Variants in LHFPL6 observed in about 807,000 individuals in gnomAD.
LHFPL6 encodes LHFPL tetraspan subfamily member 6, also known as LHFPL tetraspan subfamily member 6 protein.
A neutral mutation model predicts 20.6 loss-of-function variants in LHFPL6; 9 were observed. That is an observed-to-expected ratio of 0.44 (90% CI 0.26 to 0.76). LHFPL6 has a LOEUF of 0.76. Among genes scored for constraint, LHFPL6 ranks in the 30% least tolerant of loss-of-function variants. The pLI is 0.20. For synonymous variants in LHFPL6, 105 were observed against 98.7 expected, an observed-to-expected ratio of 1.06 and a Z score of -0.38; for missense variants, 218 against 253.5, an observed-to-expected ratio of 0.86 and a Z score of 0.95.
chr13:39,560,522 T>TTTC (rs1871440423), intron 2 of LHFPL6, among the ~76,000 whole-genome samples: 1 of 148,176 alleles, frequency 6.7e-6, no homozygotes, highest in Non-Finnish European at 1.5e-5. Flanking sequence ...TTTTTTTTTT[T>TTTC]TTCTTTTTTT....
chr13:39,494,527 AC>A (rs1028160066), intron 2 of LHFPL6, among the ~76,000 whole-genome samples: 44 of 152,172 alleles, frequency 2.9e-4, no homozygotes, highest in African/African-American at 9.9e-4. Flanking sequence ...CATACAGCCC[AC>A]CATGCTCATA....
intron 2 of LHFPL6, among the ~76,000 whole-genome samples, chr13:39,573,160 C>T (rs1054072291): frequency 6.6e-6 from 1 of 151,936 alleles, no homozygotes; most frequent in South Asian, 2.1e-4. Flanking sequence ...ATTTTAGGTA[C>T]AAAACACATT....
At chr13:39,375,147 A>C (rs1870253847) in intron 3 of LHFPL6, among the ~76,000 whole-genome samples, 1 of 152,194 alleles carries the variant, frequency 6.6e-6, no homozygotes, top group Non-Finnish European at 1.5e-5. Context: ...CCTTGAGAAG[A>C]GGCAGAAACA....
intron 2 of LHFPL6, among the ~76,000 whole-genome samples, chr13:39,547,927 G>A (rs987282185): frequency 6.6e-6 from 1 of 152,154 alleles, no homozygotes; most frequent in East Asian, 1.9e-4. Context: ...TACCTTAGAT[G>A]CAAACTTAAG....
At chr13:39,509,760 G>A (rs1359804789) in intron 2 of LHFPL6, among the ~76,000 whole-genome samples, 2 of 152,000 alleles carry the variant, frequency 1.3e-5, no homozygotes, top group Non-Finnish European at 2.9e-5. Context: ...AGAAATTTGA[G>A]ACCAGCCTGA....
chr13:39,558,606 G>A (rs894812519), intron 2 of LHFPL6, among the ~76,000 whole-genome samples: 1 of 152,046 alleles, frequency 6.6e-6, no homozygotes, highest in African/African-American at 2.4e-5. Context: ...ATTTTTAAAA[G>A]GCCACTACAA....
chr13:39,434,264 C>T (rs908849037), intron 2 of LHFPL6, among the ~76,000 whole-genome samples: 1 of 152,128 alleles, frequency 6.6e-6, no homozygotes, highest in Non-Finnish European at 1.5e-5. Flanking sequence ...TTTACAACAT[C>T]TTTGTAAGAA....
At chr13:39,395,518 G>A (rs1415102153) in intron 2 of LHFPL6, among the ~76,000 whole-genome samples, 3 of 152,136 alleles carry the variant, frequency 2.0e-5, no homozygotes, top group Non-Finnish European at 4.4e-5. Context: ...GCCTCCCAAA[G>A]ACTGATAAGG....
At chr13:39,448,842 A>T (rs75953567) in intron 2 of LHFPL6, among the ~76,000 whole-genome samples, 1 of 152,248 alleles carries the variant, frequency 6.6e-6, no homozygotes, top group South Asian at 2.1e-4. Flanking sequence ...TTTCAGGACA[A>T]AACTAAGAGT....
At chr13:39,551,266 G>A (rs1447552338) in intron 2 of LHFPL6, among the ~76,000 whole-genome samples, 7 of 152,078 alleles carry the variant, frequency 4.6e-5, no homozygotes, top group African/African-American at 7.3e-5. Context: ...ATCATCCCAT[G>A]GGGGACTGGT....
chr13:39,434,422 T>C (rs1458946885), intron 2 of LHFPL6, among the ~76,000 whole-genome samples: 1 of 152,218 alleles, frequency 6.6e-6, no homozygotes, highest in African/African-American at 2.4e-5. Flanking sequence ...CTATCAAGCA[T>C]TTGCAACATG....
chr13:39,557,530 G>A (rs186327737), intron 2 of LHFPL6, among the ~76,000 whole-genome samples: 11 of 152,344 alleles, frequency 7.2e-5, no homozygotes, highest in Admixed American at 1.3e-4. Context: ...TGGAGCTGTG[G>A]CAAGGGGGCT....
At position 39,446,410 on chromosome 13, in the gene LHFPL6, T is replaced by A. The variant is rs577983763; in HGVS notation, c.386-67884A>T. Among the ~76,000 whole-genome samples, 3 of 152,334 alleles carry A rather than the reference T, an allele frequency of 2.0e-5. No individual in the cohort carries two copies. In the East Asian group the frequency reaches 5.8e-4, roughly 29 times the overall value. On this transcript the variant is annotated intron_variant, in intron 2 of 3. Transcript: ENST00000379589. ...TAGGCAAGCTCTCAAGCTCTCCCGA[T>A]GTACAGCTGGAGACAGCTATTGATG...
intron 2 of LHFPL6, among the ~76,000 whole-genome samples, chr13:39,580,290 A>C (rs1872241642): frequency 6.6e-6 from 1 of 152,170 alleles, no homozygotes. Context: ...TGTTAAAAAA[A>C]AAACTTGTCC....
At chr13:39,403,796 C>T (rs1178157214) in intron 2 of LHFPL6, among the ~76,000 whole-genome samples, 3 of 152,050 alleles carry the variant, frequency 2.0e-5, no homozygotes, top group African/African-American at 7.2e-5. Context: ...GGACATACCC[C>T]CACCACTGTA....
intron 2 of LHFPL6, among the ~76,000 whole-genome samples, chr13:39,413,604 T>TTAAG (rs10639473): frequency 0.87 from 129,371 of 148,552 alleles, 57,535 homozygotes; most frequent in South Asian, 0.97. Context: ...TTTTTTTTCT[T>TTAAG]TAAGTAAGTT....
intron 2 of LHFPL6, among the ~76,000 whole-genome samples, chr13:39,571,366 C>T (rs143934666): frequency 7.2e-4 from 110 of 152,272 alleles, no homozygotes; most frequent in African/African-American, 2.5e-3. Flanking sequence ...TCTTCTACAC[C>T]GTCATATCCA....
intron 2 of LHFPL6, among the ~76,000 whole-genome samples, chr13:39,506,726 G>A (rs554197898): frequency 3.6e-4 from 55 of 152,224 alleles, no homozygotes; most frequent in Admixed American, 1.5e-3. Context: ...AGGGAGGTGG[G>A]GGGGAAGGTG....
At chr13:39,402,730 G>T (rs1158553885) in intron 2 of LHFPL6, among the ~76,000 whole-genome samples, 1 of 152,166 alleles carries the variant, frequency 6.6e-6, no homozygotes, top group African/African-American at 2.4e-5. Flanking sequence ...GAATCCTCTG[G>T]CAACAAAAGC....
Sources: gnomAD v4.1 joint callset for allele counts (sites outside exome capture counted in the v4.1 genomes callset) on GRCh38, gnomAD v4.1.1 for gene constraint, MANE v1.5 for transcripts, NCBI Gene and HGNC (gene_info 2026-07-23, HGNC 2026-07-21) for gene names.